The following CACHD1 variants were observed in gnomAD, a reference collection of about 807,000 sequenced individuals.
The protein encoded by CACHD1 is cache domain containing 1, also known as VWFA and cache domain-containing protein 1.
Under a neutral mutation model 138.7 loss-of-function variants are expected in CACHD1, and 71 were observed. That is an observed-to-expected ratio of 0.51 (90% CI 0.42 to 0.62). CACHD1 has a LOEUF of 0.62. CACHD1 is among the 20% of genes least tolerant of loss of function. CACHD1 has a pLI of 0.00. For synonymous variants in CACHD1, 578 were observed against 591.5 expected (o/e 0.98, Z 0.33); for missense variants, 1,389 against 1,625.3 (o/e 0.85, Z 2.50).
rs1647216185 is a variant in CACHD1 at position 64,601,682 on chromosome 1, G to A, written c.411-1124G>A. ...TATGTGTTCTTATGTGTTAGGAGAT[G>A]TGATCAACAGATAATTAAAGTTCAT... On this transcript the variant is annotated intron_variant, in intron 3 of 26. Coordinates refer to ENST00000651257, the MANE Select transcript of CACHD1 (RefSeq NM_020925.4). Among the ~76,000 whole-genome samples the A allele has an allele frequency of 3.3e-5, 5 of 152,238 alleles. No individual in the cohort carries two copies. In the South Asian group the frequency reaches 1.0e-3, roughly 31 times the overall value.
intron 4 of CACHD1, among the ~76,000 whole-genome samples, chr1:64,626,004 A>G (rs979314404): frequency 1.3e-5 from 2 of 152,196 alleles, no homozygotes; most frequent in Non-Finnish European, 2.9e-5. Flanking sequence ...GTCCCCACAT[A>G]GGCATAACCC....
intron 23 of CACHD1, among the ~76,000 whole-genome samples, chr1:64,678,973 T>C (rs928025476): frequency 6.6e-6 from 1 of 152,198 alleles, no homozygotes; most frequent in African/African-American, 2.4e-5. Flanking sequence ...AATACCTTGA[T>C]TTTTAACATC....
chr1:64,582,825 G>T (rs1433513123), intron 3 of CACHD1, among the ~76,000 whole-genome samples: 1 of 152,110 alleles, frequency 6.6e-6, no homozygotes. Context: ...ATCTGGAGGG[G>T]TATAGGGCTA....
intron 1 of CACHD1, among the ~76,000 whole-genome samples, chr1:64,547,354 T>C (rs77785569): frequency 0.011 from 1,714 of 152,190 alleles, 36 homozygotes; most frequent in African/African-American, 0.039. Context: ...AAGCCTGAAC[T>C]TTTTTGTTGT....
At chr1:64,525,135 AATATT>A (rs1209927026) in intron 1 of CACHD1, among the ~76,000 whole-genome samples, 1 of 152,172 alleles carries the variant, frequency 6.6e-6, no homozygotes, top group Non-Finnish European at 1.5e-5. Flanking sequence ...AGCATATTAA[AATATT>A]ATAATATTGT....
chr1:64,529,933 C>T (rs534670006), intron 1 of CACHD1, among the ~76,000 whole-genome samples: 1 of 152,242 alleles, frequency 6.6e-6, no homozygotes, highest in South Asian at 2.1e-4. Context: ...TCTACTTTTT[C>T]GTCCTTCTAG....
intron 1 of CACHD1, among the ~76,000 whole-genome samples, chr1:64,532,345 A>G (rs600526): frequency 0.14 from 21,666 of 152,160 alleles, 3,423 homozygotes; most frequent in African/African-American, 0.4. Context: ...ACAACAACAA[A>G]AAGCCCTCGT....
chr1:64,528,346 A>G (rs1332074885), intron 1 of CACHD1, among the ~76,000 whole-genome samples: 1 of 152,220 alleles, frequency 6.6e-6, no homozygotes, highest in Non-Finnish European at 1.5e-5. Context: ...AAGCATCCTT[A>G]AAAATTAAAT....
At chr1:64,658,168 A>G (rs1210512841) in intron 12 of CACHD1, among the ~76,000 whole-genome samples, 1 of 152,242 alleles carries the variant, frequency 6.6e-6, no homozygotes, top group Admixed American at 6.5e-5. Flanking sequence ...GATGTTGGTC[A>G]TTTCCAACCA....
intron 1 of CACHD1, among the ~76,000 whole-genome samples, chr1:64,546,399 A>G (rs1646718555): frequency 6.6e-6 from 1 of 151,858 alleles, no homozygotes; most frequent in Non-Finnish European, 1.5e-5. Flanking sequence ...CAGTAGCACA[A>G]TCTTGGCTCA....
chr1:64,612,351 A>G (rs1004291055), intron 4 of CACHD1, among the ~76,000 whole-genome samples: 5 of 152,200 alleles, frequency 3.3e-5, no homozygotes, highest in African/African-American at 1.2e-4. Context: ...GAGATCACAG[A>G]AGCATTTATC....
intron 7 of CACHD1, 74 bp downstream of exon 7, chr1:64,634,334 C>T (rs1045573958): frequency 1.9e-5 from 18 of 945,546 alleles, no homozygotes; most frequent in Non-Finnish European, 3.1e-5. Context: ...GTAAATTGAT[C>T]ACACAATGAT....
chr1:64,567,746 T>A (rs1646893911), intron 2 of CACHD1, among the ~76,000 whole-genome samples: 1 of 152,242 alleles, frequency 6.6e-6, no homozygotes, highest in African/African-American at 2.4e-5. Flanking sequence ...TTTCAATTTT[T>A]AAAATGAAGG....
intron 1 of CACHD1, among the ~76,000 whole-genome samples, chr1:64,477,420 T>C (rs1042596564): frequency 3.9e-5 from 6 of 152,260 alleles, no homozygotes; most frequent in African/African-American, 1.4e-4. Flanking sequence ...TGGCTAGTCA[T>C]AGTTATTTCT....
intron 1 of CACHD1, among the ~76,000 whole-genome samples, chr1:64,509,673 A>G (rs965828958): frequency 2.0e-5 from 3 of 152,220 alleles, no homozygotes; most frequent in Non-Finnish European, 4.4e-5. Context: ...ACACTACAAC[A>G]TTATATATAA....
At chr1:64,677,054 T>C in intron 22 of CACHD1, 43 bp downstream of exon 22, 1 of 1,420,550 alleles carries the variant, frequency 7.0e-7, no homozygotes, top group South Asian at 1.2e-5. Flanking sequence ...CCAGCTAATA[T>C]TTATTATTCC....
At chr1:64,564,479 T>C (rs1036900370) in intron 2 of CACHD1, among the ~76,000 whole-genome samples, 58 of 152,160 alleles carry the variant, frequency 3.8e-4, no homozygotes, top group African/African-American at 1.3e-3. Context: ...GGCTCCTATT[T>C]TGTGAGACTC....
intron 1 of CACHD1, among the ~76,000 whole-genome samples, chr1:64,545,438 G>C (rs1385818006): frequency 2.0e-5 from 3 of 152,240 alleles, no homozygotes; most frequent in African/African-American, 7.2e-5. Context: ...GCCTGGTTTT[G>C]AACTTTATGT....
intron 4 of CACHD1, among the ~76,000 whole-genome samples, chr1:64,604,875 A>G (rs1265498827): frequency 6.6e-6 from 1 of 151,218 alleles, no homozygotes; most frequent in Non-Finnish European, 1.5e-5. Flanking sequence ...CTGGTCTCGA[A>G]CTCCTAACCT....
Sources: allele counts gnomAD v4.1 joint callset (sites outside exome capture counted in the v4.1 genomes callset), GRCh38; gene constraint gnomAD v4.1.1; transcripts MANE v1.5; gene names NCBI Gene and HGNC (gene_info 2026-07-23, HGNC 2026-07-21).